The following ERC1 variants were observed in gnomAD, a reference collection of about 807,000 sequenced individuals.
ERC1 encodes RAB6 interacting protein 2.
In ERC1, 56 loss-of-function variants were observed where a neutral mutation model predicts 132.0. That is an observed-to-expected ratio of 0.42 (90% CI 0.34 to 0.53). ERC1 has a LOEUF of 0.53. ERC1 is among the 20% of genes least tolerant of loss of function. ERC1 has a pLI of 0.03. For synonymous variants in ERC1, 478 were observed against 476.1 expected, an observed-to-expected ratio of 1.00 and a Z score of -0.05; for missense variants, 1,202 against 1,349.9, an observed-to-expected ratio of 0.89 and a Z score of 1.72.
In ERC1 at chr12:1,104,764, G is replaced by A. The variant is rs201774242; in HGVS notation, c.1101G>A (p.Arg367=). The part of the protein sequence containing the change: ...NSMLREEMHR[R]FENAPDSAKT... The stretch of plus-strand genomic sequence containing the variant: ...CTTTTCTACAGGAGATGCATCGAAG[G>A]TTTGAGAATGCTCCTGATTCTGCCA... The change falls in exon 4 of 19, where the codon AGG becomes AGA. Residue 367 remains arginine, a synonymous_variant. Coordinates refer to ENST00000360905, the MANE Select transcript of ERC1 (RefSeq NM_178040.4). The A allele has an allele frequency of 6.2e-7, 1 of 1,612,828 alleles. No homozygotes were observed. Among genetic ancestry groups the A allele is most frequent in the Non-Finnish European group, 8.5e-7 (1 of 1,178,832 alleles).
At chr12:1,080,778 A>G (rs546014318) in intron 2 of ERC1, among the ~76,000 whole-genome samples, 2 of 152,272 alleles carry the variant, frequency 1.3e-5, no homozygotes, top group South Asian at 4.1e-4. Flanking sequence ...TGTAAGTCCA[A>G]TTAAACAAGT....
intron 16 of ERC1, chr12:1,380,493 C>G (rs554887100): frequency 6.6e-6 from 1 of 152,352 alleles, no homozygotes; most frequent in South Asian, 2.1e-4. Context: ...TGTACTCACA[C>G]TCAGTCTTTA....
chr12:1,251,740 C>T (rs1032851236), intron 13 of ERC1, among the ~76,000 whole-genome samples: 3 of 152,094 alleles, frequency 2.0e-5, no homozygotes, highest in African/African-American at 7.2e-5. Context: ...GTACTTTTCC[C>T]TCTGGCCACA....
intron 13 of ERC1, among the ~76,000 whole-genome samples, chr12:1,237,298 T>C (rs2075484968): frequency 6.6e-6 from 1 of 152,188 alleles, no homozygotes; most frequent in African/African-American, 2.4e-5. Flanking sequence ...TTCCTTTCTC[T>C]TTTCCTTCTA....
In ERC1 at chr12:1,124,668, G is replaced by A. The variant is rs1298032487; in HGVS notation, c.1569+8635G>A. Among the ~76,000 whole-genome samples the A allele has an allele frequency of 2.6e-5, 4 of 151,734 alleles. No individual in the cohort carries two copies. The East Asian group carries it at 7.7e-4, about 29-fold the overall frequency. ...AAATATAAGGTGAGAAATTAATAGA[G>A]AATAAAACAACACCAAGAGGTAGTT... On this transcript the variant is annotated intron_variant, in intron 7 of 18. Transcript: ENST00000360905.
chr12:1,336,637 G>A (rs569149106), intron 15 of ERC1, among the ~76,000 whole-genome samples: 8 of 152,116 alleles, frequency 5.3e-5, no homozygotes, highest in Admixed American at 2.0e-4. Context: ...CAGTTCTTTT[G>A]CATTTACTGA....
chr12:1,224,330 T>C (rs1488530683), intron 12 of ERC1, among the ~76,000 whole-genome samples: 1 of 152,074 alleles, frequency 6.6e-6, no homozygotes, highest in Non-Finnish European at 1.5e-5. Flanking sequence ...TTTAATTGTC[T>C]CACAATTTTC....
chr12:1,250,442 T>G (rs2076401601), intron 13 of ERC1, among the ~76,000 whole-genome samples: 2 of 152,242 alleles, frequency 1.3e-5, no homozygotes, highest in Admixed American at 1.3e-4. Context: ...TCTCAGCTAG[T>G]TTATATCTGC....
At chr12:991,573 G>C (rs1384811672) in intron 1 of ERC1, 5 of 151,982 alleles carry the variant, frequency 3.3e-5, no homozygotes, top group Non-Finnish European at 7.4e-5. Flanking sequence ...GCGCCCACCC[G>C]CGGGCTCCAC....
At chr12:1,032,817 C>T (rs1483221497) in intron 2 of ERC1, among the ~76,000 whole-genome samples, 2 of 151,936 alleles carry the variant, frequency 1.3e-5, no homozygotes, top group Non-Finnish European at 1.5e-5. Context: ...TGAAGTACAA[C>T]ACCAAAAAGA....
intron 2 of ERC1, among the ~76,000 whole-genome samples, chr12:1,031,978 A>G (rs1048817507): frequency 6.6e-6 from 1 of 152,142 alleles, no homozygotes; most frequent in Non-Finnish European, 1.5e-5. Flanking sequence ...GTTTCGAACA[A>G]GCTTCTCTGG....
At position 1,189,935 on chromosome 12, in the gene ERC1, C is replaced by T. The variant is rs767970787; in HGVS notation, c.2234C>T (p.Thr745Ile). 3 of 1,613,758 alleles carry T rather than the reference C, an allele frequency of 1.9e-6. No homozygotes were observed. Among genetic ancestry groups the T allele is most frequent in the African/African-American group, 2.7e-5 (2 of 74,852 alleles). Residue 745 changes from threonine to isoleucine, a missense_variant, in exon 12 of 19, where the codon ACC becomes ATC. Coordinates refer to ENST00000360905, the MANE Select transcript of ERC1 (RefSeq NM_178040.4). ...DRIQHLEREI[T>I]RYKDESSKAQ... ...ATACAGCACTTGGAGAGAGAGATCACCAGGTACAAAGATGAATCTAGCAAG... is the reference window on the plus strand; with the variant it reads ...ATACAGCACTTGGAGAGAGAGATCATCAGGTACAAAGATGAATCTAGCAAG...
chr12:1,173,140 A>G (rs1328438549), intron 8 of ERC1, among the ~76,000 whole-genome samples: 1 of 152,200 alleles, frequency 6.6e-6, no homozygotes, highest in Non-Finnish European at 1.5e-5. Flanking sequence ...ATCATAAGAA[A>G]TCATTTATGG....
At chr12:1,267,001 T>G (rs1488768487) in intron 14 of ERC1, among the ~76,000 whole-genome samples, 2 of 152,222 alleles carry the variant, frequency 1.3e-5, no homozygotes, top group African/African-American at 4.8e-5. Flanking sequence ...CCTTCCAAAG[T>G]TCGAGCAAGG....
intron 13 of ERC1, among the ~76,000 whole-genome samples, chr12:1,251,800 A>G (rs1194294415): frequency 6.6e-6 from 1 of 152,176 alleles, no homozygotes; most frequent in Non-Finnish European, 1.5e-5. Flanking sequence ...CTTTATTGAT[A>G]GGACTAATGT....
rs550147693 is a variant in ERC1 at position 1,111,871 on chromosome 12, T to A, written c.1318-344T>A. ...ATCCTCCTGCCTTGGCCTCCCACGG[T>A]GCTGGGATATAATCATAGGTGTGAG... On this transcript the variant is annotated intron_variant, in intron 5 of 18. Coordinates refer to ENST00000360905, the MANE Select transcript of ERC1 (RefSeq NM_178040.4). Among the ~76,000 whole-genome samples, 40 of 152,106 alleles carry A rather than the reference T, an allele frequency of 2.6e-4. 1 individual carries two copies. The highest frequency in any genetic ancestry group is 3.1e-4 in the Non-Finnish European group (21 of 68,018).
chr12:1,216,720 A>C (rs2154293215), intron 12 of ERC1, among the ~76,000 whole-genome samples: 1 of 152,292 alleles, frequency 6.6e-6, no homozygotes, highest in South Asian at 2.1e-4. Flanking sequence ...CATATTGTCT[A>C]TTCAGACTAG....
At chr12:1,382,060 T>G (rs1435291012) in intron 16 of ERC1, among the ~76,000 whole-genome samples, 2 of 152,246 alleles carry the variant, frequency 1.3e-5, no homozygotes, top group Non-Finnish European at 2.9e-5. Flanking sequence ...TAACCATTCC[T>G]GTCTTGTTTT....
intron 2 of ERC1, among the ~76,000 whole-genome samples, chr12:1,063,584 G>T (rs1938482945): frequency 6.6e-6 from 1 of 151,970 alleles, no homozygotes; most frequent in African/African-American, 2.4e-5. Context: ...TTCTATGTGT[G>T]TTTTTACATG....
Sources: allele counts gnomAD v4.1 joint callset (sites outside exome capture counted in the v4.1 genomes callset), GRCh38; gene constraint gnomAD v4.1.1; transcripts MANE v1.5; gene names NCBI Gene and HGNC (gene_info 2026-07-23, HGNC 2026-07-21).